Variants in SRPK1 observed in about 807,000 individuals in gnomAD.
The protein encoded by SRPK1 is SRSF protein kinase 1.
Under a neutral mutation model 89.5 loss-of-function variants are expected in SRPK1, and 52 were observed. The ratio of observed to expected loss-of-function variants is 0.58; its 90% CI spans 0.46 to 0.73. The LOEUF is 0.73. Among genes scored for constraint, SRPK1 ranks in the 30% least tolerant of loss-of-function variants. The pLI, the probability that SRPK1 is intolerant of heterozygous loss-of-function variation, is 0.00. For missense variants in SRPK1, 603 were observed against 780.6 expected (o/e 0.77, Z 2.71); for synonymous variants, 255 against 270.2 (o/e 0.94, Z 0.55).
intron 13 of SRPK1, among the ~76,000 whole-genome samples, chr6:35,856,338 T>C (rs1769665913): frequency 6.6e-6 from 1 of 151,794 alleles, no homozygotes; most frequent in South Asian, 2.1e-4. Flanking sequence ...CTGATTTGTA[T>C]TCTTTATAAT....
chr6:35,883,157 G>A (rs1054083572), intron 6 of SRPK1, among the ~76,000 whole-genome samples: 2 of 152,154 alleles, frequency 1.3e-5, no homozygotes, highest in Non-Finnish European at 2.9e-5. Context: ...GGTGGCTCAT[G>A]CCTTCAATCC....
intron 6 of SRPK1, among the ~76,000 whole-genome samples, chr6:35,884,285 T>C (rs1561985461): frequency 6.6e-6 from 1 of 152,180 alleles, no homozygotes; most frequent in Non-Finnish European, 1.5e-5. Flanking sequence ...TCCTTCTTAA[T>C]CATTCTTTTC....
intron 2 of SRPK1, among the ~76,000 whole-genome samples, chr6:35,915,406 C>CAAAAA (rs560685673): frequency 5.6e-4 from 41 of 73,784 alleles, no homozygotes; most frequent in South Asian, 9.1e-4. Flanking sequence ...GACACCGTCT[C>CAAAAA]AAAAAAAAAA....
In SRPK1 at chr6:35,870,942, G is replaced by C; in HGVS notation, c.769C>G (p.Pro257Ala). Residue 257 changes from proline to alanine, a missense_variant, in exon 9 of 16, where the codon CCT becomes GCT. Transcript: ENST00000373825. Reference protein sequence around the residue: ...SGSAVSTAPQPKPADKMSKNK... With the variant: ...SGSAVSTAPQAKPADKMSKNK... ...AAACACCTTATACTTACTGGTTTAG[G>C]CTGGGGAGCAGTACTGACTGAAAAG... The C allele has an allele frequency of 1.2e-6, 2 of 1,608,832 alleles. No individual in the cohort carries two copies. Among genetic ancestry groups the C allele is most frequent in the Non-Finnish European group, 1.7e-6 (2 of 1,176,800 alleles).
rs746663042 is a variant in SRPK1, at chr6:35,920,461, G to C, written c.74+7C>G. 5.0e-6 allele frequency: 8 copies of C among 1,612,880 alleles called. No homozygotes were observed. In the South Asian group the frequency reaches 5.5e-5, roughly 11 times the overall value. On this transcript the variant is annotated splice_region_variant and intron_variant, in intron 2 of 15. Transcript: ENST00000373825. ...CAAAGAATGGGATGTTGGGGTACAAGACTCACTTCCTTTGGGCTTTGTCCT... is the reference window on the plus strand; with the variant it reads ...CAAAGAATGGGATGTTGGGGTACAACACTCACTTCCTTTGGGCTTTGTCCT...
chr6:35,883,934 C>T (rs565869566), intron 6 of SRPK1, among the ~76,000 whole-genome samples: 4 of 151,806 alleles, frequency 2.6e-5, no homozygotes, highest in South Asian at 2.1e-4. Flanking sequence ...GAGGTTTCAC[C>T]GTGTTAGCCA....
At chr6:35,872,325 A>C (rs1236119430) in intron 8 of SRPK1, among the ~76,000 whole-genome samples, 1 of 152,238 alleles carries the variant, frequency 6.6e-6, no homozygotes, top group Non-Finnish European at 1.5e-5. Context: ...TCATAAGAAA[A>C]AATATTTTTA....
intron 12 of SRPK1, among the ~76,000 whole-genome samples, chr6:35,861,942 C>T (rs1246261490): frequency 6.6e-6 from 1 of 152,182 alleles, no homozygotes; most frequent in African/African-American, 2.4e-5. Context: ...GGCGACACGG[C>T]TGCAACTGCC....
In SRPK1 at chr6:35,869,807, G is replaced by C; in HGVS notation, c.1086C>G (p.Val362=). The C allele has an allele frequency of 6.2e-7, 1 of 1,613,468 alleles. No homozygotes were observed. The highest frequency in any genetic ancestry group is 8.5e-7 in the Non-Finnish European group (1 of 1,179,644). ...AEINCNGVIE[V]INYTQNSNNE... ...TATTACTGTTCTGAGTATAATTAAT[G>C]ACTTCAATCACTCCATTGCAATTAA... Residue 362 remains valine (V), a synonymous_variant, in exon 11 of 16, where the codon GTC becomes GTG. Transcript: ENST00000373825.
intron 2 of SRPK1, chr6:35,920,051 T>G (rs1286315082): frequency 4.4e-6 from 2 of 457,608 alleles, no homozygotes; most frequent in South Asian, 3.1e-5. Context: ...TTCAAGAATT[T>G]CCTTAAGGCC....
chr6:35,919,902 G>A (rs1190223882), intron 2 of SRPK1, among the ~76,000 whole-genome samples: 1 of 152,194 alleles, frequency 6.6e-6, no homozygotes, highest in East Asian at 1.9e-4. Flanking sequence ...TATACACAGC[G>A]GTCTGCCGGC....
chr6:35,838,836 G>A (rs1459916162), intron 14 of SRPK1: 2 of 1,358,812 alleles, frequency 1.5e-6, no homozygotes, highest in Admixed American at 4.0e-5. Flanking sequence ...TCAAGGACAA[G>A]CTGTAAAAGA....
chr6:35,839,763 T>C (rs1245620094), intron 14 of SRPK1, among the ~76,000 whole-genome samples: 4 of 150,992 alleles, frequency 2.6e-5, no homozygotes, highest in African/African-American at 9.7e-5. Flanking sequence ...CACTGCAACC[T>C]CCACTTCCTG....
In SRPK1 at chr6:35,888,856, G is replaced by A. The variant is rs1770460959; in HGVS notation, c.261C>T (p.Gly87=). The A allele has an allele frequency of 6.2e-7, 1 of 1,613,016 alleles. No individual in the cohort carries two copies. The highest frequency in any genetic ancestry group is 1.1e-5 in the South Asian group (1 of 91,074). The change falls in exon 4 of 16, where the codon GGC becomes GGT. Residue 87 remains glycine (G), a synonymous_variant. Coordinates refer to ENST00000373825, the MANE Select transcript of SRPK1 (RefSeq NM_003137.5). The part of the protein sequence containing the change: ...NGRYHVIRKL[G]WGHFSTVWLS... ...ACCATACTGTTGAAAAGTGTCCCCAGCCTAACTTTCGGATCACATGGTATC... is the reference window on the plus strand; with the variant it reads ...ACCATACTGTTGAAAAGTGTCCCCAACCTAACTTTCGGATCACATGGTATC...
chr6:35,862,056 CT>C (rs970800856), intron 12 of SRPK1, among the ~76,000 whole-genome samples: 1 of 152,120 alleles, frequency 6.6e-6, no homozygotes, highest in Non-Finnish European at 1.5e-5. Context: ...GACTAGCCCC[CT>C]CCGACCCATC....
chr6:35,911,527 C>G (rs1289705725), intron 2 of SRPK1, among the ~76,000 whole-genome samples: 2 of 151,834 alleles, frequency 1.3e-5, no homozygotes, highest in African/African-American at 4.8e-5. Context: ...CCAGCATGGG[C>G]AACATGGTGA....
intron 6 of SRPK1, among the ~76,000 whole-genome samples, chr6:35,878,861 T>C (rs1770215461): frequency 6.6e-6 from 1 of 151,736 alleles, no homozygotes; most frequent in South Asian, 2.1e-4. Flanking sequence ...GAGGCCAAAG[T>C]GGGCAGATCA....
chr6:35,888,927 GAAGA>G lies in SRPK1; in HGVS notation c.194-8_194-5del. ...ATTTTCACAAGATGATAACCTCCTG[GAAGA>G]AACAGGGGAAATACAATCAGAAAAA... On this transcript the variant is annotated splice_polypyrimidine_tract_variant and splice_region_variant and intron_variant, in intron 3 of 15. Transcript: ENST00000373825. 6.3e-7 allele frequency: 1 copy of G among 1,578,396 alleles called. No homozygotes were observed. Among genetic ancestry groups the G allele is most frequent in the South Asian group, 1.1e-5 (1 of 90,198 alleles).
chr6:35,889,621 C>T (rs1329859693), intron 3 of SRPK1, among the ~76,000 whole-genome samples: 2 of 151,742 alleles, frequency 1.3e-5, no homozygotes, highest in African/African-American at 2.4e-5. Context: ...CCAGTCTCTA[C>T]TAAAAATACA....
Sources: allele counts gnomAD v4.1 joint callset (sites outside exome capture counted in the v4.1 genomes callset), GRCh38; gene constraint gnomAD v4.1.1; transcripts MANE v1.5; gene names NCBI Gene and HGNC (gene_info 2026-07-23, HGNC 2026-07-21).